Variants in ATE1 observed in about 807,000 individuals in gnomAD.
The protein encoded by ATE1 is arginyltransferase 1.
ATE1 carries 36 observed loss-of-function variants against 70.5 expected under a neutral mutation model. The ratio of observed to expected loss-of-function variants is 0.51; its 90% CI spans 0.39 to 0.67. The LOEUF (loss-of-function observed/expected upper bound fraction) is 0.67. ATE1 is among the 30% of genes least tolerant of loss of function. The probability of loss-of-function intolerance (pLI) is 0.00; values close to 1 mark genes in which losing one functional copy is unlikely to be tolerated. For missense variants in ATE1, 593 were observed against 629.5 expected (o/e 0.94, Z 0.62); for synonymous variants, 232 against 219.3 (o/e 1.06, Z -0.51).
chr10:121,789,864 C>T (rs1376142607), intron 11 of ATE1, among the ~76,000 whole-genome samples: 6 of 151,994 alleles, frequency 3.9e-5, no homozygotes, highest in African/African-American at 1.5e-4. Context: ...TTTTAGGCAC[C>T]GTGATAGTTG....
At chr10:121,850,110 T>C (rs776383684) in intron 8 of ATE1, among the ~76,000 whole-genome samples, 1 of 152,196 alleles carries the variant, frequency 6.6e-6, no homozygotes, top group Non-Finnish European at 1.5e-5. Context: ...TAACTCACTA[T>C]CAAATAATGA....
At chr10:121,748,547 T>C (rs1302928134) in intron 11 of ATE1, among the ~76,000 whole-genome samples, 4 of 152,184 alleles carry the variant, frequency 2.6e-5, no homozygotes, top group Non-Finnish European at 4.4e-5. Context: ...GTCACTGATA[T>C]CTGTTAACAA....
intron 10 of ATE1, among the ~76,000 whole-genome samples, chr10:121,832,441 C>A (rs187173854): frequency 5.2e-4 from 79 of 152,292 alleles, no homozygotes; most frequent in African/African-American, 1.8e-3. Context: ...GGCTCTGTGT[C>A]CCCACCTAAA....
chr10:121,770,700 G>A (rs938017749), intron 11 of ATE1, among the ~76,000 whole-genome samples: 8 of 139,426 alleles, frequency 5.7e-5, no homozygotes, highest in Non-Finnish European at 1.1e-4. Context: ...TATTGTTCAA[G>A]ATAAGTGGGG....
In ATE1 at chr10:121,818,411, T is replaced by G. The variant is rs187148964; in HGVS notation, c.1257+18307A>C. Among the ~76,000 whole-genome samples the G allele has an allele frequency of 1.3e-4, 20 of 152,218 alleles. No individual in the cohort carries two copies. The East Asian group carries it at 3.9e-3, about 29-fold the overall frequency. ...TCAGCACGTGAACATAAAAGCTATG[T>G]TTCTATGATTTCAGTAATATTTTAT... On this transcript the variant is annotated intron_variant, in intron 10 of 11. Transcript: ENST00000224652.
intron 11 of ATE1, among the ~76,000 whole-genome samples, chr10:121,780,068 GC>G (rs1485267261): frequency 1.3e-5 from 2 of 152,164 alleles, no homozygotes; most frequent in Non-Finnish European, 2.9e-5. Context: ...TCTTAGGGCT[GC>G]CACTCATGGA....
intron 8 of ATE1, among the ~76,000 whole-genome samples, chr10:121,866,082 G>A (rs1949653752): frequency 6.6e-6 from 1 of 152,204 alleles, no homozygotes; most frequent in Non-Finnish European, 1.5e-5. Flanking sequence ...CTCCAGCTAA[G>A]TCATAAGCTT....
intron 7 of ATE1, among the ~76,000 whole-genome samples, chr10:121,870,621 T>C (rs1949821698): frequency 6.6e-6 from 1 of 152,194 alleles, no homozygotes; most frequent in Non-Finnish European, 1.5e-5. Flanking sequence ...CTTTCCTTCC[T>C]TCCTTCTCTC....
At chr10:121,794,074 T>C (rs1349811272) in intron 10 of ATE1, among the ~76,000 whole-genome samples, 1 of 152,220 alleles carries the variant, frequency 6.6e-6, no homozygotes, top group Non-Finnish European at 1.5e-5. Context: ...CAATCTTCAT[T>C]TCCCCTGCTA....
intron 7 of ATE1, among the ~76,000 whole-genome samples, chr10:121,893,276 CAAAAA>C (rs771745075): frequency 2.1e-5 from 1 of 46,680 alleles, no homozygotes. Flanking sequence ...GACTTAGTCT[CAAAAA>C]AAAAAAAAAA....
chr10:121,747,401 A>C (rs1199466628), intron 11 of ATE1, among the ~76,000 whole-genome samples: 1 of 152,098 alleles, frequency 6.6e-6, no homozygotes, highest in Non-Finnish European at 1.5e-5. Flanking sequence ...AGCCAGTAAC[A>C]AGAGACTGGA....
rs559996778 is a variant in ATE1 at position 121,789,294 on chromosome 10, T to C, written c.1378+875A>G. Among the ~76,000 whole-genome samples the C allele has an allele frequency of 6.6e-5, 7 of 106,346 alleles. No individual in the cohort carries two copies. In the Admixed American group the frequency reaches 9.1e-4, roughly 14 times the overall value. The allele number at this position is 106,346 out of a possible 152,430, so 69.8% of individuals were successfully genotyped here. The stretch of plus-strand genomic sequence containing the variant: ...TCCAGGAAGCCTAACTCCAGGGCTA[T>C]GCTTTTTTTTTTTTTTTTTTTTGAG... On this transcript the variant is annotated intron_variant, in intron 11 of 11. Coordinates refer to ENST00000224652, the MANE Select transcript of ATE1 (RefSeq NM_001001976.3).
At chr10:121,841,845 A>C (rs1948642091) in intron 8 of ATE1, among the ~76,000 whole-genome samples, 1 of 152,190 alleles carries the variant, frequency 6.6e-6, no homozygotes. Context: ...CTGCACCAAA[A>C]TCTCAGAAAT....
At chr10:121,872,290 A>G (rs4403746) in intron 7 of ATE1, among the ~76,000 whole-genome samples, 44,867 of 152,090 alleles carry the variant, frequency 0.3, 7,121 homozygotes, top group South Asian at 0.43. Flanking sequence ...GCATGTGTAT[A>G]TGTCCCACAT....
rs150247445 is a variant in ATE1 at position 121,910,013 on chromosome 10, C to T, written c.583+893G>A. On this transcript the variant is annotated intron_variant, in intron 5 of 11. Transcript: ENST00000224652. ...GAGCTATGATCACGCCACTTCACTC[C>T]AGCCTAGGCGGCAGAGCAAGACCCT... Among the ~76,000 whole-genome samples, 425 of 152,278 alleles carry T rather than the reference C, an allele frequency of 2.8e-3. 5 individuals carry two copies. The highest frequency in any genetic ancestry group is 9.6e-3 in the African/African-American group (400 of 41,526).
At chr10:121,870,473 A>T (rs11591381) in intron 7 of ATE1, among the ~76,000 whole-genome samples, 1 of 147,274 alleles carries the variant, frequency 6.8e-6, no homozygotes, top group Non-Finnish European at 1.5e-5. Context: ...GAGAGGAAAG[A>T]CCAGGGGAGA....
intron 6 of ATE1, among the ~76,000 whole-genome samples, chr10:121,900,494 A>G (rs1195130127): frequency 6.6e-6 from 1 of 152,232 alleles, no homozygotes; most frequent in Non-Finnish European, 1.5e-5. Context: ...ATGACTCTGA[A>G]GTCACATTTC....
intron 5 of ATE1, among the ~76,000 whole-genome samples, chr10:121,908,150 C>G (rs1951275822): frequency 6.6e-6 from 1 of 152,148 alleles, no homozygotes; most frequent in African/African-American, 2.4e-5. Context: ...AACAAGAAAA[C>G]TAACTGGTCA....
chr10:121,752,725 T>C (rs1327490192), intron 11 of ATE1, among the ~76,000 whole-genome samples: 3 of 152,246 alleles, frequency 2.0e-5, no homozygotes, highest in Non-Finnish European at 4.4e-5. Context: ...AGGGTTTATT[T>C]CTGGACTCTC....
Sources: gnomAD v4.1 joint callset for allele counts (sites outside exome capture counted in the v4.1 genomes callset) on GRCh38, gnomAD v4.1.1 for gene constraint, MANE v1.5 for transcripts, NCBI Gene and HGNC (gene_info 2026-07-23, HGNC 2026-07-21) for gene names.